Variants in NLRP9 observed in about 807,000 individuals in gnomAD.
NLRP9 encodes the protein NLR family pyrin domain containing 9.
In NLRP9, 88 loss-of-function variants were observed where a neutral mutation model predicts 83.1. That is an observed-to-expected ratio of 1.06 (90% CI 0.89 to 1.26). The LOEUF (loss-of-function observed/expected upper bound fraction) is 1.26. Among genes scored for constraint, NLRP9 ranks in the 50% most tolerant of loss-of-function variants. The pLI is 0.00. For synonymous variants in NLRP9, 521 were observed against 447.6 expected (o/e 1.16, Z -2.07); for missense variants, 1,308 against 1,179.3 (o/e 1.11, Z -1.60).
intron 6 of NLRP9, among the ~76,000 whole-genome samples, chr19:55,714,037 T>C (rs751322919): frequency 1.0e-4 from 15 of 149,452 alleles, no homozygotes; most frequent in Non-Finnish European, 2.1e-4. Context: ...GACACATCCT[T>C]GCAGCCTCAC....
chr19:55,718,179 T>C (rs942047662), intron 4 of NLRP9, among the ~76,000 whole-genome samples: 2 of 152,182 alleles, frequency 1.3e-5, no homozygotes, highest in South Asian at 2.1e-4. Flanking sequence ...AGGGACACAA[T>C]GCACTGCGGA....
At chr19:55,726,275 C>T (rs1431099092) in intron 3 of NLRP9, among the ~76,000 whole-genome samples, 22 of 152,222 alleles carry the variant, frequency 1.4e-4, no homozygotes, top group Admixed American at 8.5e-4. Flanking sequence ...CAGGAATCAT[C>T]GCCATTTCAG....
At chr19:55,733,953 C>T (rs1285068421) in intron 1 of NLRP9, among the ~76,000 whole-genome samples, 7 of 115,572 alleles carry the variant, frequency 6.1e-5, no homozygotes, top group Admixed American at 1.8e-4. Context: ...GACGGAGTCT[C>T]GCTCTGTCGC....
intron 4 of NLRP9, among the ~76,000 whole-genome samples, chr19:55,722,329 A>G (rs1344505748): frequency 6.6e-6 from 1 of 152,198 alleles, no homozygotes; most frequent in African/African-American, 2.4e-5. Flanking sequence ...TAGAATTTTG[A>G]AAGTTCCCCC....
Position 55,733,066 on chromosome 19 carries a change from A to T in NLRP9, c.765T>A (p.Ile255=). The part of the protein sequence containing the change: ...DDWRQRQPMP[I]ILSSLLQKKM... Reference sequence around the variant, plus strand: ...TTTTTTGCAACAAACTGCTCAGGATAATTGGCATTGGCTGCCGCTGCCTCC... The same window carrying T: ...TTTTTTGCAACAAACTGCTCAGGATTATTGGCATTGGCTGCCGCTGCCTCC... Residue 255 remains isoleucine, a synonymous_variant, in exon 2 of 9, where the codon ATT becomes ATA. Transcript: ENST00000332836. 6.2e-7 allele frequency: 1 copy of T among 1,613,890 alleles called. No homozygotes were observed. Among genetic ancestry groups the T allele is most frequent in the Non-Finnish European group, 8.5e-7 (1 of 1,179,924 alleles).
intron 1 of NLRP9, among the ~76,000 whole-genome samples, chr19:55,733,919 A>AATTTTTT (rs1555796186): frequency 0.015 from 1,773 of 117,826 alleles, 22 homozygotes; most frequent in Middle Eastern, 0.053. Context: ...TGTCAACCAA[A>AATTTTTT]TTTTTTTTTT....
intron 8 of NLRP9, among the ~76,000 whole-genome samples, chr19:55,710,161 A>G (rs1441128004): frequency 1.3e-5 from 2 of 152,160 alleles, no homozygotes; most frequent in Admixed American, 6.6e-5. Context: ...AATGCTTGCT[A>G]CTGTGGAGAT....
chr19:55,733,918 A>ATTTTT (rs1423854158), intron 1 of NLRP9, among the ~76,000 whole-genome samples: 1,257 of 117,722 alleles, frequency 0.011, 16 homozygotes, highest in East Asian at 0.08. Flanking sequence ...TTGTCAACCA[A>ATTTTT]ATTTTTTTTT....
At chr19:55,727,183 C>T (rs752203843) in intron 3 of NLRP9, among the ~76,000 whole-genome samples, 1 of 152,042 alleles carries the variant, frequency 6.6e-6, no homozygotes, top group Non-Finnish European at 1.5e-5. Flanking sequence ...ACCTGGGAGG[C>T]GGAGGTTGCA....
intron 3 of NLRP9, among the ~76,000 whole-genome samples, chr19:55,728,521 G>A (rs929176526): frequency 6.6e-6 from 1 of 152,030 alleles, no homozygotes; most frequent in South Asian, 2.1e-4. Context: ...GCGGTGAGCC[G>A]AGATCATTCC....
chr19:55,716,867 A>G lies in NLRP9; in HGVS notation c.2191T>C (p.Cys731Arg). ...LGKCDISSEVCEDIASVLACN... is the reference protein window; with the variant it reads ...LGKCDISSEVREDIASVLACN... ...GCCAGGACGGAGGCGATGTCTTCAC[A>G]AACTTCACTGGAGATGTCACACTTT... The change falls in exon 5 of 9, where the codon TGT (cysteine) becomes CGT (arginine). Residue 731 changes from cysteine (C) to arginine (R), a missense_variant. By Grantham distance (180) the Cys-to-Arg change is radical. Coordinates refer to ENST00000332836, the MANE Select transcript of NLRP9 (RefSeq NM_176820.4). 6.2e-7 allele frequency: 1 copy of G among 1,613,860 alleles called. No homozygotes were observed. The highest frequency in any genetic ancestry group is 8.5e-7 in the Non-Finnish European group (1 of 1,179,934).
intron 4 of NLRP9, 138 bp from the exon 5 acceptor site, chr19:55,717,036 T>TC (rs1049211410): frequency 1.8e-4 from 82 of 454,540 alleles, no homozygotes; most frequent in East Asian, 3.5e-4. Context: ...TCTTTTTCTT[T>TC]TTTTTTTTTT....
chr19:55,729,059 T>C (rs935104189), intron 3 of NLRP9, among the ~76,000 whole-genome samples: 4 of 140,732 alleles, frequency 2.8e-5, no homozygotes, highest in East Asian at 2.0e-4. Context: ...TCTTTTTTTT[T>C]TTTTTTTTTT....
At position 55,712,501 on chromosome 19, in the gene NLRP9, C is replaced by T. The variant is rs1987776719; in HGVS notation, c.2591G>A (p.Gly864Glu). The change falls in exon 7 of 9, where the codon GGG (glycine) becomes GAG (glutamate). Residue 864 changes from glycine to glutamate, a missense_variant. Gly to Glu is a moderately conservative substitution (Grantham distance 98). Coordinates refer to ENST00000332836, the MANE Select transcript of NLRP9 (RefSeq NM_176820.4). ...ACCAGTGTCTCCTATTTCATTATGC[C>T]CAAGTTTCAGGGTCTTCAGTTTCCC... ...CNGKLKTLKL[G>E]HNEIGDTGVR... 1.2e-6 allele frequency: 2 copies of T among 1,612,536 alleles called. No individual in the cohort carries two copies. The highest frequency in any genetic ancestry group is 1.3e-5 in the African/African-American group (1 of 74,866).
At chr19:55,720,327 A>C (rs1988185830) in intron 4 of NLRP9, among the ~76,000 whole-genome samples, 1 of 152,062 alleles carries the variant, frequency 6.6e-6, no homozygotes, top group Non-Finnish European at 1.5e-5. Flanking sequence ...GCTTGGAAAC[A>C]ATTATTTTCT....
At chr19:55,729,507 T>C (rs1600139797) in intron 3 of NLRP9, among the ~76,000 whole-genome samples, 2 of 152,166 alleles carry the variant, frequency 1.3e-5, no homozygotes, top group East Asian at 3.8e-4. Flanking sequence ...GTCCTTGCGA[T>C]AGTTTGCTGA....
chr19:55,736,541 C>T (rs1271708431), intron 1 of NLRP9, among the ~76,000 whole-genome samples: 1 of 151,856 alleles, frequency 6.6e-6, no homozygotes, highest in Non-Finnish European at 1.5e-5. Context: ...GTCAAAGACA[C>T]GAACCACACA....
intron 3 of NLRP9, among the ~76,000 whole-genome samples, chr19:55,725,654 G>A (rs1453299117): frequency 7.2e-5 from 11 of 152,104 alleles, no homozygotes; most frequent in Non-Finnish European, 1.3e-4. Context: ...GTGACAGGGC[G>A]GTGAGGTGTA....
chr19:55,731,946 A>G (rs548816340), intron 2 of NLRP9, 53 bp downstream of exon 2: 2 of 1,190,390 alleles, frequency 1.7e-6, no homozygotes, highest in African/African-American at 3.1e-5. Context: ...ACAGGCCACT[A>G]GAGCAAACTC....
Sources: allele counts gnomAD v4.1 joint callset (sites outside exome capture counted in the v4.1 genomes callset), GRCh38; gene constraint gnomAD v4.1.1; transcripts MANE v1.5; gene names NCBI Gene and HGNC (gene_info 2026-07-23, HGNC 2026-07-21).